The following LRRTM4 variants were observed in gnomAD, a reference collection of about 807,000 sequenced individuals.
The protein encoded by LRRTM4 is leucine rich repeat transmembrane neuronal 4.
LRRTM4 carries 25 observed loss-of-function variants against 47.6 expected under a neutral mutation model. That is an observed-to-expected ratio of 0.53 (90% CI 0.38 to 0.73). The LOEUF (loss-of-function observed/expected upper bound fraction) is 0.73, where lower values mean the gene tolerates loss of function less well. Ranked by LOEUF, LRRTM4 falls within the 30% of genes least tolerant of loss-of-function variation. LRRTM4 has a pLI of 0.00. For missense variants in LRRTM4, 638 were observed against 713.4 expected (o/e 0.89, Z 1.20); for synonymous variants, 311 against 269.5 (o/e 1.15, Z -1.51).
intron 3 of LRRTM4, among the ~76,000 whole-genome samples, chr2:76,838,037 G>A (rs113077788): frequency 7.3e-5 from 11 of 151,620 alleles, no homozygotes; most frequent in African/African-American, 2.2e-4. Flanking sequence ...GTATACATAT[G>A]TAACTAACCT....
chr2:77,391,118 C>T (rs113119119), intron 3 of LRRTM4, among the ~76,000 whole-genome samples: 247 of 152,014 alleles, frequency 1.6e-3, no homozygotes, highest in African/African-American at 5.7e-3. Context: ...CTGATTAAAA[C>T]AGTGAAACCA....
intron 3 of LRRTM4, among the ~76,000 whole-genome samples, chr2:77,411,655 A>G (rs1181224137): frequency 3.1e-5 from 3 of 96,984 alleles, no homozygotes; most frequent in South Asian, 3.5e-4. Flanking sequence ...TAATTTTAGT[A>G]GAGACGGGTT....
At chr2:76,895,346 GAAAATTTAGTAATT>G (rs1417982750) in intron 3 of LRRTM4, among the ~76,000 whole-genome samples, 4 of 151,930 alleles carry the variant, frequency 2.6e-5, no homozygotes, top group Admixed American at 2.0e-4. Context: ...CCATGAGAAC[GAAAATTTAGTAATT>G]ATAAAAATGA....
At chr2:76,975,769 C>T (rs1676398161) in intron 3 of LRRTM4, among the ~76,000 whole-genome samples, 1 of 151,752 alleles carries the variant, frequency 6.6e-6, no homozygotes, top group Admixed American at 6.6e-5. Flanking sequence ...GATGACACCA[C>T]ATCTGGCCAC....
At chr2:77,270,287 C>T (rs1313259000) in intron 3 of LRRTM4, among the ~76,000 whole-genome samples, 1 of 152,098 alleles carries the variant, frequency 6.6e-6, no homozygotes, top group Admixed American at 6.5e-5. Flanking sequence ...ATAGGTCTTG[C>T]TCTCGGTTTG....
intron 3 of LRRTM4, among the ~76,000 whole-genome samples, chr2:77,194,457 C>A (rs1378644503): frequency 2.0e-5 from 3 of 152,184 alleles, no homozygotes; most frequent in East Asian, 1.9e-4. Context: ...AAAGCCACCA[C>A]TGAACATCTC....
chr2:76,851,517 C>G (rs569701948), intron 3 of LRRTM4, among the ~76,000 whole-genome samples: 1 of 152,022 alleles, frequency 6.6e-6, no homozygotes. Flanking sequence ...CCGTTGCTGA[C>G]AGATGCCCAC....
intron 3 of LRRTM4, among the ~76,000 whole-genome samples, chr2:77,024,675 C>CTT (rs1678392007): frequency 6.6e-6 from 1 of 151,996 alleles, no homozygotes; most frequent in African/African-American, 2.4e-5. Flanking sequence ...ATTTTACTCA[C>CTT]TTAACACTTT....
intron 3 of LRRTM4, among the ~76,000 whole-genome samples, chr2:76,906,202 A>G (rs1673832463): frequency 1.3e-5 from 2 of 151,084 alleles, no homozygotes; most frequent in South Asian, 2.1e-4. Context: ...CAACATTCTT[A>G]AAGAAAAGAA....
chr2:77,076,783 T>C (rs1240019937), intron 3 of LRRTM4, among the ~76,000 whole-genome samples: 2 of 152,182 alleles, frequency 1.3e-5, no homozygotes, highest in African/African-American at 4.8e-5. Context: ...TTGTCCAAAG[T>C]ATCGATGAAT....
At chr2:77,438,136 C>T (rs1031072938) in intron 3 of LRRTM4, among the ~76,000 whole-genome samples, 35 of 151,934 alleles carry the variant, frequency 2.3e-4, no homozygotes, top group African/African-American at 8.0e-4. Flanking sequence ...ATTTACAAAC[C>T]ACATTGCCAA....
At chr2:77,455,531 G>A (rs181392958) in intron 3 of LRRTM4, among the ~76,000 whole-genome samples, 4 of 152,066 alleles carry the variant, frequency 2.6e-5, no homozygotes, top group South Asian at 2.1e-4. Context: ...AGCCTAAAGA[G>A]GGGTACATAT....
intron 3 of LRRTM4, among the ~76,000 whole-genome samples, chr2:77,258,246 A>T (rs1270843647): frequency 5.3e-5 from 8 of 152,128 alleles, no homozygotes; most frequent in Admixed American, 5.2e-4. Flanking sequence ...GCCAATGAAT[A>T]TGTAATATGG....
intron 3 of LRRTM4, among the ~76,000 whole-genome samples, chr2:76,801,587 TGC>T (rs1675686408): frequency 6.6e-6 from 1 of 151,534 alleles, no homozygotes; most frequent in South Asian, 2.1e-4. Flanking sequence ...GTGGGTGCAG[TGC>T]ACCAGCATGG....
At chr2:77,183,550 T>A (rs1673410998) in intron 3 of LRRTM4, among the ~76,000 whole-genome samples, 1 of 152,062 alleles carries the variant, frequency 6.6e-6, no homozygotes, top group Admixed American at 6.6e-5. Flanking sequence ...AGAAATAGAA[T>A]TACCATGTGA....
chr2:77,010,132 T>A (rs1454136139), intron 3 of LRRTM4, among the ~76,000 whole-genome samples: 1 of 152,046 alleles, frequency 6.6e-6, no homozygotes, highest in African/African-American at 2.4e-5. Context: ...AGTATCTATT[T>A]TTGTGGTGAG....
chr2:76,852,473 T>C (rs1672026516), intron 3 of LRRTM4, among the ~76,000 whole-genome samples: 1 of 152,230 alleles, frequency 6.6e-6, no homozygotes, highest in South Asian at 2.1e-4. Flanking sequence ...ATAACAGATT[T>C]CATCTACTTA....
At position 76,913,601 on chromosome 2, in the gene LRRTM4, G is replaced by T. The variant is rs530047379; in HGVS notation, c.1552-164685C>A. On this transcript the variant is annotated intron_variant, in intron 3 of 3. Coordinates refer to ENST00000409884, the MANE Select transcript of LRRTM4 (RefSeq NM_001134745.3). The stretch of plus-strand genomic sequence containing the variant: ...ATTGCCCAGGCTGGAGTGCAATTGC[G>T]CGATCTTGGCTCACTGCAACCTCTG... Among the ~76,000 whole-genome samples, 16 of 143,932 alleles carry T rather than the reference G, an allele frequency of 1.1e-4. No individual in the cohort carries two copies. In the East Asian group the frequency reaches 3.4e-3, roughly 31 times the overall value. 94.4% of individuals were successfully genotyped at this position (143,932 alleles called of 152,430 possible).
intron 3 of LRRTM4, among the ~76,000 whole-genome samples, chr2:76,821,683 G>C (rs552298412): frequency 6.6e-6 from 1 of 151,764 alleles, no homozygotes; most frequent in Admixed American, 6.6e-5. Context: ...TAAATGCTTT[G>C]GTATTAACTG....
Sources: allele counts gnomAD v4.1 joint callset (sites outside exome capture counted in the v4.1 genomes callset), GRCh38; gene constraint gnomAD v4.1.1; transcripts MANE v1.5; gene names NCBI Gene and HGNC (gene_info 2026-07-23, HGNC 2026-07-21).